ZNF721: variants seen among roughly 807,000 people sequenced by gnomAD.
ZNF721 encodes zinc finger protein 721.
ZNF721 carries 2 observed loss-of-function variants against 2.4 expected under a neutral mutation model. That is an observed-to-expected ratio of 0.82 (90% CI 0.34 to 2.58). ZNF721 has a LOEUF of 2.58. Among genes scored for constraint, ZNF721 ranks in the 30% most tolerant of loss-of-function variants. ZNF721 has a pLI of 0.11. For synonymous variants in ZNF721, 398 were observed against 381.8 expected (o/e 1.04, Z -0.50); for missense variants, 1,187 against 1,085.5 (o/e 1.09, Z -1.31).
chr4:447,691 G>T (rs1314414619), intron 2 of ZNF721, among the ~76,000 whole-genome samples: 1 of 152,040 alleles, frequency 6.6e-6, no homozygotes, highest in African/African-American at 2.4e-5. Flanking sequence ...GACTGAAAAA[G>T]GAAAGAAGAC....
rs1465487976 is a variant in ZNF721, at chr4:496,422, G to C, written c.-94+2634C>G. Among the ~76,000 whole-genome samples, 10 of 151,968 alleles carry C rather than the reference G, an allele frequency of 6.6e-5. No individual in the cohort carries two copies. The East Asian group carries it at 1.6e-3, about 24-fold the overall frequency. On this transcript the variant is annotated intron_variant, in intron 1 of 2. Transcript: ENST00000511833. ...GATTAGACTCTAAGTATGTTCTTCT[G>C]GGGGGGAAACCTATTTAGACCCACT...
intron 1 of ZNF721, among the ~76,000 whole-genome samples, chr4:479,722 C>T (rs1054874336): frequency 9.9e-5 from 15 of 152,210 alleles, no homozygotes; most frequent in African/African-American, 3.6e-4. Flanking sequence ...CTGTCCCACC[C>T]CATGTGCCAC....
At chr4:457,741 G>C (rs1553865558) in intron 2 of ZNF721, among the ~76,000 whole-genome samples, 1 of 152,104 alleles carries the variant, frequency 6.6e-6, no homozygotes, top group Non-Finnish European at 1.5e-5. Flanking sequence ...ACTATAACCT[G>C]ATTCCAAGTC....
chr4:497,399 C>G (rs1224089152), intron 1 of ZNF721, among the ~76,000 whole-genome samples: 1 of 149,878 alleles, frequency 6.7e-6, no homozygotes, highest in Non-Finnish European at 1.5e-5. Flanking sequence ...GTTACCTTCA[C>G]TGAGGATCTC....
At chr4:446,620 C>T (rs1355589214) in intron 2 of ZNF721, among the ~76,000 whole-genome samples, 1 of 152,156 alleles carries the variant, frequency 6.6e-6, no homozygotes, top group Non-Finnish European at 1.5e-5. Context: ...ACCTCGTTAT[C>T]TGCCTGCCTC....
chr4:445,627 T>TA (rs1393684719), intron 2 of ZNF721, among the ~76,000 whole-genome samples: 1 of 151,720 alleles, frequency 6.6e-6, no homozygotes, highest in Non-Finnish European at 1.5e-5. Flanking sequence ...CACATATAAC[T>TA]AAATGTAATC....
chr4:498,364 G>T (rs1404915064), intron 1 of ZNF721, among the ~76,000 whole-genome samples: 4 of 152,126 alleles, frequency 2.6e-5, no homozygotes, highest in Non-Finnish European at 5.9e-5. Context: ...CTCTCCAAAG[G>T]AGGCTATCAA....
intron 2 of ZNF721, among the ~76,000 whole-genome samples, chr4:465,008 C>G (rs1480521241): frequency 6.6e-6 from 1 of 151,232 alleles, no homozygotes; most frequent in Non-Finnish European, 1.5e-5. Flanking sequence ...TTGCTTGAAC[C>G]CAGGAGACGG....
At chr4:487,461 A>G (rs2108721899) in intron 1 of ZNF721, among the ~76,000 whole-genome samples, 1 of 152,318 alleles carries the variant, frequency 6.6e-6, no homozygotes, top group East Asian at 1.9e-4. Flanking sequence ...AGGCAAACTG[A>G]GCCCAGAAGA....
intron 2 of ZNF721, among the ~76,000 whole-genome samples, chr4:458,264 G>A (rs141307502): frequency 1.3e-5 from 2 of 152,266 alleles, no homozygotes; most frequent in African/African-American, 4.8e-5. Context: ...ATCCACAACT[G>A]TCTGATGCCC....
At chr4:487,396 C>T (rs1553870660) in intron 1 of ZNF721, among the ~76,000 whole-genome samples, 1 of 152,196 alleles carries the variant, frequency 6.6e-6, no homozygotes, top group African/African-American at 2.4e-5. Flanking sequence ...AGACAGCTCA[C>T]TCCCAGAAGC....
intron 1 of ZNF721, among the ~76,000 whole-genome samples, chr4:493,271 G>A (rs781814331): frequency 9.9e-5 from 15 of 151,968 alleles, no homozygotes; most frequent in Non-Finnish European, 1.9e-4. Flanking sequence ...ACTAACTTTG[G>A]GAGGAACTTA....
chr4:465,013 A>G (rs1233879735), intron 2 of ZNF721, among the ~76,000 whole-genome samples: 2 of 151,350 alleles, frequency 1.3e-5, no homozygotes, highest in African/African-American at 4.9e-5. Flanking sequence ...TGAACCCAGG[A>G]GACGGAGGTT....
chr4:462,591 T>C (rs1553866239), intron 2 of ZNF721, among the ~76,000 whole-genome samples: 1 of 152,042 alleles, frequency 6.6e-6, no homozygotes, highest in African/African-American at 2.4e-5. Context: ...GCCTCAGAAA[T>C]AACACCACAC....
chr4:497,292 G>C (rs529207812), intron 1 of ZNF721, among the ~76,000 whole-genome samples: 1 of 151,956 alleles, frequency 6.6e-6, no homozygotes, highest in Admixed American at 6.6e-5. Context: ...GATCCCTGGA[G>C]GAACAAGGTC....
intron 2 of ZNF721, among the ~76,000 whole-genome samples, chr4:466,887 A>G (rs1300329473): frequency 3.9e-5 from 6 of 152,204 alleles, no homozygotes; most frequent in African/African-American, 1.4e-4. Context: ...CAAAAAGTGA[A>G]AAACCTCAAA....
intron 2 of ZNF721, among the ~76,000 whole-genome samples, chr4:463,277 G>A (rs1474121796): frequency 6.6e-6 from 1 of 152,172 alleles, no homozygotes; most frequent in Non-Finnish European, 1.5e-5. Flanking sequence ...AGAGGATGTG[G>A]AGAAATAGGA....
At chr4:465,423 C>G (rs73219251) in intron 2 of ZNF721, among the ~76,000 whole-genome samples, 17,888 of 147,282 alleles carry the variant, frequency 0.12, 1,377 homozygotes, top group African/African-American at 0.24. Flanking sequence ...TTAAGCTAGG[C>G]TTTTGTTTTT....
intron 1 of ZNF721, among the ~76,000 whole-genome samples, chr4:479,775 G>A (rs1316494418): frequency 6.6e-6 from 1 of 152,232 alleles, no homozygotes; most frequent in East Asian, 1.9e-4. Flanking sequence ...CCAGAGGATT[G>A]TGCCAGTGTC....
Sources: gnomAD v4.1 joint callset for allele counts (sites outside exome capture counted in the v4.1 genomes callset) on GRCh38, gnomAD v4.1.1 for gene constraint, MANE v1.5 for transcripts, NCBI Gene and HGNC (gene_info 2026-07-23, HGNC 2026-07-21) for gene names.